The following NUP155 variants were observed in gnomAD, a reference collection of about 807,000 sequenced individuals.
The protein encoded by NUP155 is nucleoporin 155.
Under a neutral mutation model 180.4 loss-of-function variants are expected in NUP155, and 71 were observed. That is an observed-to-expected ratio of 0.39 (90% CI 0.33 to 0.48). NUP155 has a LOEUF of 0.48. Ranked by LOEUF, NUP155 falls within the 20% of genes least tolerant of loss-of-function variation. The pLI is 0.91. For synonymous variants in NUP155, 582 were observed against 559.5 expected (o/e 1.04, Z -0.57); for missense variants, 1,553 against 1,648.9 (o/e 0.94, Z 1.01).
chr5:37,361,689 T>C (rs1426443007), intron 3 of NUP155, among the ~76,000 whole-genome samples: 2 of 152,222 alleles, frequency 1.3e-5, no homozygotes, highest in East Asian at 1.9e-4. Flanking sequence ...AGAAAGCCAA[T>C]TGAATATTTA....
chr5:37,315,571 A>AGCCATGGACAG (rs1743831438), intron 21 of NUP155, among the ~76,000 whole-genome samples: 1 of 144,024 alleles, frequency 6.9e-6, no homozygotes, highest in Non-Finnish European at 1.5e-5. Flanking sequence ...GGCTATATAT[A>AGCCATGGACAG]AAAGGACAGA....
intron 11 of NUP155, among the ~76,000 whole-genome samples, chr5:37,338,839 T>C (rs1745523607): frequency 6.6e-6 from 1 of 152,174 alleles, no homozygotes; most frequent in Non-Finnish European, 1.5e-5. Flanking sequence ...CATTTTTTTT[T>C]CACATTTTAG....
intron 22 of NUP155, among the ~76,000 whole-genome samples, chr5:37,313,581 G>A (rs545051694): frequency 1.4e-4 from 22 of 151,986 alleles, no homozygotes; most frequent in East Asian, 1.9e-4. Context: ...GCTAAGTGGC[G>A]CCTCAACCTC....
At chr5:37,305,895 C>G (rs1288584921) in intron 25 of NUP155, among the ~76,000 whole-genome samples, 1 of 151,058 alleles carries the variant, frequency 6.6e-6, no homozygotes, top group Non-Finnish European at 1.5e-5. Flanking sequence ...CAAAACCCCC[C>G]AAAAACAAAA....
At position 37,331,724 on chromosome 5, in the gene NUP155, T is replaced by C; in HGVS notation, c.1590A>G (p.Gly530=). Residue 530 remains glycine, a synonymous_variant, in exon 14 of 35, where the codon GGA becomes GGG. Transcript: ENST00000231498. The stretch of plus-strand genomic sequence containing the variant: ...AGAATCTTTCAATCTCTTCTCCATC[T>C]CCTCCCACATTACTCACAAGTAGAT... ...LRHLLVSNVG[G]DGEEIERFFK... is the part of the protein sequence containing the mutation. The C allele has an allele frequency of 6.2e-7, 1 of 1,609,462 alleles. No homozygotes were observed.
chr5:37,302,285 T>G (rs762284073), intron 29 of NUP155, among the ~76,000 whole-genome samples: 1 of 152,238 alleles, frequency 6.6e-6, no homozygotes, highest in South Asian at 2.1e-4. Context: ...CAGGCTGGAA[T>G]GCAGTGGTGC....
chr5:37,370,563 T>G, intron 1 of NUP155: 2 of 1,024,456 alleles, frequency 2.0e-6, no homozygotes, highest in Non-Finnish European at 2.7e-6. Flanking sequence ...GAGAAGCTCA[T>G]TAAGGTTGAG....
chr5:37,341,044 A>T (rs532800346), intron 11 of NUP155, 46 bp downstream of exon 11: 1 of 1,456,784 alleles, frequency 6.9e-7, no homozygotes, highest in Non-Finnish European at 9.6e-7. Context: ...TAATTTTAAC[A>T]ATTTTAAGAA....
At chr5:37,300,895 C>G (rs1742827656) in intron 30 of NUP155, 1 of 161,928 alleles carries the variant, frequency 6.2e-6, no homozygotes, top group African/African-American at 2.4e-5. Context: ...ATGATCTCGG[C>G]TCACTGAAAC....
At chr5:37,370,647 A>C in intron 1 of NUP155, 174 bp downstream of exon 1, 3 of 1,566,048 alleles carry the variant, frequency 1.9e-6, no homozygotes, top group Non-Finnish European at 2.6e-6. Flanking sequence ...CAATGAAGAA[A>C]GTGAGGAAAG....
At chr5:37,296,631 T>C (rs974641577) in intron 32 of NUP155, among the ~76,000 whole-genome samples, 5 of 151,614 alleles carry the variant, frequency 3.3e-5, no homozygotes, top group African/African-American at 7.3e-5. Context: ...CCCTCCACTA[T>C]TGTCCTGTGA....
intron 4 of NUP155, among the ~76,000 whole-genome samples, chr5:37,356,925 T>C (rs953126089): frequency 2.6e-5 from 4 of 152,072 alleles, no homozygotes; most frequent in African/African-American, 9.7e-5. Flanking sequence ...CTGGCCAACA[T>C]GGCAAAACCC....
At chr5:37,327,424 TGA>T (rs1402029735) in intron 18 of NUP155, among the ~76,000 whole-genome samples, 1 of 152,094 alleles carries the variant, frequency 6.6e-6, no homozygotes, top group Non-Finnish European at 1.5e-5. Flanking sequence ...AAATAGATTA[TGA>T]GAGAGTAAGA....
At chr5:37,347,130 A>C (rs1014291659) in intron 9 of NUP155, among the ~76,000 whole-genome samples, 1 of 152,182 alleles carries the variant, frequency 6.6e-6, no homozygotes, top group African/African-American at 2.4e-5. Context: ...CGGGAGGCTT[A>C]GGTGGGAGAA....
At position 37,330,035 on chromosome 5, in the gene NUP155, T is replaced by C; in HGVS notation, c.1724+3A>G. The C allele has an allele frequency of 1.2e-6, 2 of 1,605,608 alleles. No individual in the cohort carries two copies. The highest frequency in any genetic ancestry group is 1.1e-5 in the South Asian group (1 of 90,716). ...TAAATAAACAAGAAAAACTTTCACATACCTAAAGAAAGCCCGAGTAGCCCA... is the reference window on the plus strand; with the variant it reads ...TAAATAAACAAGAAAAACTTTCACACACCTAAAGAAAGCCCGAGTAGCCCA... On this transcript the variant is annotated splice_donor_region_variant and intron_variant, in intron 15 of 34. Coordinates refer to ENST00000231498, the MANE Select transcript of NUP155 (RefSeq NM_153485.3).
chr5:37,342,736 A>T lies in NUP155; in HGVS notation c.996-90T>A. ...CCCATCAGAATGTTTACATATTTCCATATTTTCCTTTTTTTTTTGAGATGT... is the reference window on the plus strand; with the variant it reads ...CCCATCAGAATGTTTACATATTTCCTTATTTTCCTTTTTTTTTTGAGATGT... On this transcript the variant is annotated intron_variant, in intron 9 of 34. Transcript: ENST00000231498. 5 of 942,214 alleles carry T rather than the reference A, an allele frequency of 5.3e-6. No individual in the cohort carries two copies. The South Asian group carries it at 7.0e-5, about 13-fold the overall frequency. The allele number at this position is 942,214 out of a possible 1,614,324, so 58.4% of individuals were successfully genotyped here.
chr5:37,306,374 T>G (rs1337902696), intron 25 of NUP155, among the ~76,000 whole-genome samples: 1 of 152,060 alleles, frequency 6.6e-6, no homozygotes, highest in East Asian at 1.9e-4. Context: ...TGCCACTGAC[T>G]CCAGCCCAGG....
Position 37,293,249 on chromosome 5 carries a change from C to T in NUP155, c.3931-264G>A, listed in dbSNP as rs113006511. 0.019 allele frequency: 6,258 copies of T among 331,994 alleles called. 385 individuals carry two copies. Among genetic ancestry groups the T allele is most frequent in the African/African-American group, 0.12 (5,794 of 46,386 alleles). 20.6% of individuals were successfully genotyped at this position (331,994 alleles called of 1,614,324 possible). ...TACTTTGCAGAGCATGTAAATGTCCCGCTTAGGAATCTGAGATAAGAGAAA... is the reference window on the plus strand; with the variant it reads ...TACTTTGCAGAGCATGTAAATGTCCTGCTTAGGAATCTGAGATAAGAGAAA... On this transcript the variant is annotated intron_variant, in intron 33 of 34. Coordinates refer to ENST00000231498, the MANE Select transcript of NUP155 (RefSeq NM_153485.3).
In NUP155 at chr5:37,327,617, T is replaced by C. The variant is rs760497422; in HGVS notation, c.2024+12A>G. The C allele has an allele frequency of 1.9e-5, 30 of 1,613,888 alleles. No homozygotes were observed. In the Admixed American group the frequency reaches 4.7e-4, roughly 25 times the overall value. ...AGGTGAGCAATAATTCATTATTTCA[T>C]GACAAACTTACCCCATGATCCGAGA... On this transcript the variant is annotated intron_variant, in intron 18 of 34. Transcript: ENST00000231498.
Sources: allele counts gnomAD v4.1 joint callset (sites outside exome capture counted in the v4.1 genomes callset), GRCh38; gene constraint gnomAD v4.1.1; transcripts MANE v1.5; gene names NCBI Gene and HGNC (gene_info 2026-07-23, HGNC 2026-07-21).